The following CDH12 variants were observed in gnomAD, a reference collection of about 807,000 sequenced individuals.
CDH12 encodes the protein cadherin-12.
Under a neutral mutation model 74.1 loss-of-function variants are expected in CDH12, and 41 were observed. The ratio of observed to expected loss-of-function variants is 0.55; its 90% CI spans 0.43 to 0.72. CDH12 has a LOEUF of 0.72. Ranked by LOEUF, CDH12 falls within the 30% of genes least tolerant of loss-of-function variation. CDH12 has a pLI of 0.00. For synonymous variants in CDH12, 399 were observed against 355.0 expected (o/e 1.12, Z -1.39); for missense variants, 945 against 977.2 (o/e 0.97, Z 0.44).
chr5:22,533,646 T>A (rs1737694849), intron 1 of CDH12, among the ~76,000 whole-genome samples: 1 of 152,166 alleles, frequency 6.6e-6, no homozygotes, highest in African/African-American at 2.4e-5. Context: ...ACCCTCTCAA[T>A]ATTGAGATGT....
chr5:22,121,313 G>C (rs1421757884), intron 4 of CDH12, among the ~76,000 whole-genome samples: 2 of 152,146 alleles, frequency 1.3e-5, no homozygotes, highest in African/African-American at 4.8e-5. Context: ...AGGTATGTTT[G>C]CAAGCAGCCC....
At chr5:21,840,334 G>C (rs929858790) in intron 8 of CDH12, among the ~76,000 whole-genome samples, 2 of 151,930 alleles carry the variant, frequency 1.3e-5, no homozygotes, top group Non-Finnish European at 2.9e-5. Flanking sequence ...AAAATTGATA[G>C]CATAAGACCA....
intron 4 of CDH12, among the ~76,000 whole-genome samples, chr5:22,208,772 G>A (rs981646102): frequency 6.6e-6 from 1 of 151,994 alleles, no homozygotes; most frequent in Non-Finnish European, 1.5e-5. Context: ...TTTTCTTGGT[G>A]GAAACACCTA....
At chr5:22,113,293 C>G (rs1334902330) in intron 4 of CDH12, among the ~76,000 whole-genome samples, 3 of 152,064 alleles carry the variant, frequency 2.0e-5, no homozygotes, top group African/African-American at 4.8e-5. Context: ...ATTAACATAG[C>G]TAGATTTTTT....
intron 8 of CDH12, among the ~76,000 whole-genome samples, chr5:21,836,490 C>CAA (rs1466513816): frequency 6.6e-6 from 1 of 151,454 alleles, no homozygotes; most frequent in Non-Finnish European, 1.5e-5. Context: ...CACACACACA[C>CAA]ACACACACTC....
At chr5:22,415,954 T>C (rs564260002) in intron 2 of CDH12, among the ~76,000 whole-genome samples, 4 of 150,788 alleles carry the variant, frequency 2.7e-5, no homozygotes, top group Admixed American at 2.0e-4. Flanking sequence ...ACTGCTAAAG[T>C]AGATTTGCTA....
intron 1 of CDH12, among the ~76,000 whole-genome samples, chr5:22,837,236 C>G (rs537046260): frequency 2.4e-4 from 36 of 151,962 alleles, no homozygotes; most frequent in African/African-American, 7.0e-4. Flanking sequence ...CTGGGCAACA[C>G]AGTAGACCCT....
chr5:21,806,042 G>A (rs1318115245), intron 9 of CDH12, among the ~76,000 whole-genome samples: 1 of 152,116 alleles, frequency 6.6e-6, no homozygotes, highest in Non-Finnish European at 1.5e-5. Context: ...ATCTAATTGA[G>A]TTGTGCAGTA....
At chr5:21,817,819 GAAAGA>G (rs1196376310) in intron 8 of CDH12, among the ~76,000 whole-genome samples, 1 of 32,162 alleles carries the variant, frequency 3.1e-5, no homozygotes, top group Non-Finnish European at 1.9e-4. Flanking sequence ...ATAGCATTAA[GAAAGA>G]AAAAAAAGTA....
At chr5:22,241,960 T>C (rs1752765833) in intron 3 of CDH12, among the ~76,000 whole-genome samples, 1 of 152,130 alleles carries the variant, frequency 6.6e-6, no homozygotes. Flanking sequence ...GGTTTGACTA[T>C]AATTACTACT....
intron 7 of CDH12, among the ~76,000 whole-genome samples, chr5:21,848,155 G>C (rs754277884): frequency 1.3e-5 from 2 of 152,004 alleles, no homozygotes; most frequent in African/African-American, 2.4e-5. Flanking sequence ...TTTTGAAGAA[G>C]GTGGGGTTAT....
chr5:22,625,578 C>T (rs940765594), intron 1 of CDH12, among the ~76,000 whole-genome samples: 1 of 152,140 alleles, frequency 6.6e-6, no homozygotes, highest in African/African-American at 2.4e-5. Context: ...TTGCCAAGCT[C>T]CTTTAGCTGG....
At chr5:21,775,122 G>A (rs1037401639) in intron 11 of CDH12, among the ~76,000 whole-genome samples, 5 of 152,148 alleles carry the variant, frequency 3.3e-5, no homozygotes, top group African/African-American at 1.2e-4. Flanking sequence ...GAAGATAAAG[G>A]CCAAACCAAG....
intron 11 of CDH12, among the ~76,000 whole-genome samples, chr5:21,778,691 A>G (rs1745741426): frequency 6.6e-6 from 1 of 152,198 alleles, no homozygotes; most frequent in South Asian, 2.1e-4. Flanking sequence ...TGGTCAACTT[A>G]TAACTACTAC....
chr5:22,829,880 T>C (rs567087227), intron 1 of CDH12, among the ~76,000 whole-genome samples: 1 of 152,314 alleles, frequency 6.6e-6, no homozygotes, highest in Admixed American at 6.5e-5. Flanking sequence ...TGGTCTATGA[T>C]ACAGCAATAT....
At chr5:21,833,349 A>G (rs1452633682) in intron 8 of CDH12, among the ~76,000 whole-genome samples, 1 of 68,042 alleles carries the variant, frequency 1.5e-5, no homozygotes, top group Non-Finnish European at 2.2e-5. Flanking sequence ...TATAACATAT[A>G]ATATATATTA....
intron 2 of CDH12, among the ~76,000 whole-genome samples, chr5:22,493,563 GT>G (rs1292470800): frequency 6.1e-5 from 4 of 65,168 alleles, no homozygotes; most frequent in African/African-American, 2.1e-4. Flanking sequence ...AGTTTTTTTG[GT>G]TTTTTTTGAA....
intron 6 of CDH12, among the ~76,000 whole-genome samples, chr5:21,856,240 AT>A (rs1750748708): frequency 1.3e-5 from 2 of 151,760 alleles, no homozygotes; most frequent in South Asian, 4.1e-4. Flanking sequence ...CCTTTCTATA[AT>A]CCTGTAGAAA....
chr5:22,459,352 A>C (rs543691910), intron 2 of CDH12, among the ~76,000 whole-genome samples: 2 of 152,294 alleles, frequency 1.3e-5, no homozygotes, highest in South Asian at 2.1e-4. Context: ...CATCAATTTT[A>C]TACAATCAAT....
Sources: gnomAD v4.1 joint callset for allele counts (sites outside exome capture counted in the v4.1 genomes callset) on GRCh38, gnomAD v4.1.1 for gene constraint, MANE v1.5 for transcripts, NCBI Gene and HGNC (gene_info 2026-07-23, HGNC 2026-07-21) for gene names.